The following PDE4D variants were observed in gnomAD, a reference collection of about 807,000 sequenced individuals.
PDE4D encodes 3',5'-cyclic-AMP phosphodiesterase 4D.
In PDE4D, 24 loss-of-function variants were observed where a neutral mutation model predicts 87.4. That is an observed-to-expected ratio of 0.27 (90% CI 0.20 to 0.39). The LOEUF is 0.39. PDE4D is among the 10% of genes least tolerant of loss of function. The probability of loss-of-function intolerance (pLI) is 1.00; values close to 1 mark genes in which losing one functional copy is unlikely to be tolerated. For synonymous variants in PDE4D, 384 were observed against 383.2 expected (o/e 1.00, Z -0.02); for missense variants, 714 against 1,041.0 (o/e 0.69, Z 4.32).
chr5:59,977,651 C>T (rs1761479312), intron 3 of PDE4D, among the ~76,000 whole-genome samples: 1 of 152,118 alleles, frequency 6.6e-6, no homozygotes. Context: ...GAAAGTCTAA[C>T]TAAGATCAAT....
At chr5:60,468,583 A>G (rs930640662) in intron 1 of PDE4D, among the ~76,000 whole-genome samples, 1 of 152,016 alleles carries the variant, frequency 6.6e-6, no homozygotes, top group African/African-American at 2.4e-5. Context: ...GAAATGTCAT[A>G]GGTCATCACA....
chr5:59,215,651 A>C, intron 2 of PDE4D, 126 bp downstream of exon 2: 105 of 706,628 alleles, frequency 1.5e-4, no homozygotes, highest in Non-Finnish European at 2.3e-4. Context: ...GTATAATTTT[A>C]TTCATATTCT....
chr5:59,966,087 A>AC (rs1421619529), intron 3 of PDE4D, among the ~76,000 whole-genome samples: 1 of 152,032 alleles, frequency 6.6e-6, no homozygotes, highest in African/African-American at 2.4e-5. Context: ...CTCATCTGTT[A>AC]CCCCCACCTC....
intron 1 of PDE4D, among the ~76,000 whole-genome samples, chr5:59,257,642 C>T (rs1761222686): frequency 6.6e-6 from 1 of 151,950 alleles, no homozygotes; most frequent in African/African-American, 2.4e-5. Flanking sequence ...GAAATCTATG[C>T]ACTTATGGCA....
intron 3 of PDE4D, among the ~76,000 whole-genome samples, chr5:59,949,198 A>G (rs369504942): frequency 2.0e-5 from 3 of 152,106 alleles, no homozygotes; most frequent in East Asian, 1.9e-4. Context: ...TTGGGAGGCC[A>G]AGGCGGGTGG....
At chr5:60,308,453 T>C (rs1232232728) in intron 1 of PDE4D, among the ~76,000 whole-genome samples, 2 of 152,220 alleles carry the variant, frequency 1.3e-5, no homozygotes, top group South Asian at 2.1e-4. Flanking sequence ...GTTTCTAACG[T>C]TGCTGTAGAC....
At chr5:60,097,321 T>C (rs1355330156) in intron 2 of PDE4D, among the ~76,000 whole-genome samples, 1 of 137,692 alleles carries the variant, frequency 7.3e-6, no homozygotes, top group African/African-American at 2.6e-5. Flanking sequence ...GGAAAGATTG[T>C]CTTTTGCTAA....
intron 1 of PDE4D, among the ~76,000 whole-genome samples, chr5:59,289,526 A>G (rs1287845061): frequency 1.3e-5 from 2 of 152,018 alleles, no homozygotes; most frequent in Non-Finnish European, 2.9e-5. Context: ...TCGGGTATAA[A>G]AGGAAATACC....
intron 1 of PDE4D, among the ~76,000 whole-genome samples, chr5:59,328,028 TATG>T (rs879673721): frequency 9.2e-5 from 14 of 152,176 alleles, no homozygotes; most frequent in Admixed American, 3.9e-4. Context: ...TGAGCTAAAA[TATG>T]ATAATAGCAC....
At chr5:59,909,983 C>T (rs965618924) in intron 3 of PDE4D, among the ~76,000 whole-genome samples, 2 of 152,168 alleles carry the variant, frequency 1.3e-5, no homozygotes, top group East Asian at 1.9e-4. Flanking sequence ...CCCCCACCAT[C>T]GTACTTCTCT....
chr5:59,120,117 G>A (rs541346066), intron 5 of PDE4D, among the ~76,000 whole-genome samples: 1 of 152,142 alleles, frequency 6.6e-6, no homozygotes, highest in Non-Finnish European at 1.5e-5. Context: ...ACAGGTGTGA[G>A]CCACCAAGCT....
intron 1 of PDE4D, among the ~76,000 whole-genome samples, chr5:59,216,977 C>A (rs1419689204): frequency 6.6e-6 from 1 of 152,122 alleles, no homozygotes; most frequent in Non-Finnish European, 1.5e-5. Context: ...AATGGAGACT[C>A]AGCGTATTCT....
intron 1 of PDE4D, among the ~76,000 whole-genome samples, chr5:60,351,387 T>C (rs1759179847): frequency 6.6e-6 from 1 of 152,106 alleles, no homozygotes; most frequent in South Asian, 2.1e-4. Flanking sequence ...AGTGAGGCCA[T>C]GTGACAAAAT....
At chr5:59,856,484 G>C (rs1745461551) in intron 1 of PDE4D, among the ~76,000 whole-genome samples, 1 of 152,162 alleles carries the variant, frequency 6.6e-6, no homozygotes, top group Admixed American at 6.5e-5. Context: ...ATCTCGTAGT[G>C]ATGAGCACAT....
chr5:59,259,427 C>T (rs1172052234), intron 1 of PDE4D, among the ~76,000 whole-genome samples: 3 of 151,856 alleles, frequency 2.0e-5, no homozygotes, highest in East Asian at 3.9e-4. Context: ...TTCCTACAGC[C>T]TAACAAAATA....
intron 3 of PDE4D, among the ~76,000 whole-genome samples, chr5:59,969,031 T>C (rs1760403523): frequency 1.4e-5 from 2 of 140,134 alleles, no homozygotes; most frequent in Admixed American, 7.1e-5. Flanking sequence ...TGATATAATA[T>C]GTAGTTTCTT....
At chr5:59,035,676 G>C (rs1758379096) in intron 6 of PDE4D, among the ~76,000 whole-genome samples, 1 of 152,088 alleles carries the variant, frequency 6.6e-6, no homozygotes, top group African/African-American at 2.4e-5. Context: ...TAAGGAAACT[G>C]AAGCTAAAAA....
At chr5:60,280,147 A>G (rs951327955) in intron 1 of PDE4D, among the ~76,000 whole-genome samples, 1 of 152,128 alleles carries the variant, frequency 6.6e-6, no homozygotes, top group African/African-American at 2.4e-5. Flanking sequence ...AACATTACTC[A>G]ACATATGCAA....
intron 1 of PDE4D, among the ~76,000 whole-genome samples, chr5:59,799,250 T>A (rs954784033): frequency 1.3e-5 from 2 of 152,210 alleles, no homozygotes; most frequent in African/African-American, 2.4e-5. Flanking sequence ...TCTGTTTTGA[T>A]CTTGGAGATC....
Sources: allele counts gnomAD v4.1 joint callset (sites outside exome capture counted in the v4.1 genomes callset), GRCh38; gene constraint gnomAD v4.1.1; transcripts MANE v1.5; gene names NCBI Gene and HGNC (gene_info 2026-07-23, HGNC 2026-07-21).